Variants in PRKD3 observed in about 807,000 individuals in gnomAD.
The protein encoded by PRKD3 is protein kinase D3.
PRKD3 carries 47 observed loss-of-function variants against 99.2 expected under a neutral mutation model. The ratio of observed to expected loss-of-function variants is 0.47; its 90% CI spans 0.38 to 0.60. The LOEUF is 0.60. Ranked by LOEUF, PRKD3 falls within the 20% of genes least tolerant of loss-of-function variation. PRKD3 has a pLI of 0.00. For missense variants in PRKD3, 1,019 were observed against 1,088.4 expected, an observed-to-expected ratio of 0.94 and a Z score of 0.90; for synonymous variants, 392 against 355.4, an observed-to-expected ratio of 1.10 and a Z score of -1.16.
At chr2:37,288,292 A>G (rs1670219184) in intron 5 of PRKD3, among the ~76,000 whole-genome samples, 1 of 152,114 alleles carries the variant, frequency 6.6e-6, no homozygotes, top group African/African-American at 2.4e-5. Context: ...GCTCTTCTGT[A>G]GGTTTATACC....
chr2:37,265,359 TAA>T (rs1260752015), intron 14 of PRKD3, among the ~76,000 whole-genome samples: 2 of 152,228 alleles, frequency 1.3e-5, no homozygotes, highest in East Asian at 1.9e-4. Context: ...GTGTGATTTT[TAA>T]AAAGATTCCT....
At chr2:37,253,833 C>A (rs1171174634) in intron 18 of PRKD3, among the ~76,000 whole-genome samples, 1 of 152,120 alleles carries the variant, frequency 6.6e-6, no homozygotes, top group Non-Finnish European at 1.5e-5. Context: ...TTTGATAAAT[C>A]TATAAAGTAA....
At chr2:37,254,180 AAG>A (rs771650245) in intron 18 of PRKD3, 22 bp downstream of exon 18, 37 of 1,557,614 alleles carry the variant, frequency 2.4e-5, no homozygotes, top group Non-Finnish European at 3.1e-5. Context: ...AGGATTGCCA[AAG>A]AGAGATTACA....
intron 2 of PRKD3, among the ~76,000 whole-genome samples, chr2:37,294,988 T>C (rs1170439432): frequency 6.6e-6 from 1 of 152,194 alleles, no homozygotes; most frequent in Non-Finnish European, 1.5e-5. Context: ...GGCATAAGAA[T>C]CACTTGAATC....
chr2:37,290,824 T>A (rs1439649884), intron 4 of PRKD3, 44 bp downstream of exon 4: 7 of 1,522,976 alleles, frequency 4.6e-6, no homozygotes, highest in African/African-American at 4.2e-5. Flanking sequence ...AATGCAAATG[T>A]GGAATCTTAT....
intron 2 of PRKD3, among the ~76,000 whole-genome samples, chr2:37,311,279 G>A (rs1182079788): frequency 6.6e-6 from 1 of 152,174 alleles, no homozygotes; most frequent in Non-Finnish European, 1.5e-5. Flanking sequence ...CAAGGTGACA[G>A]CTCTCCTTCC....
intron 6 of PRKD3, 124 bp downstream of exon 6, chr2:37,286,053 C>T (rs1670079477): frequency 2.3e-6 from 2 of 877,570 alleles, no homozygotes; most frequent in South Asian, 4.4e-5. Flanking sequence ...ATTTCTCTTT[C>T]CTTTATATAA....
chr2:37,260,089 C>T lies in PRKD3; in HGVS notation c.2046+134G>A, dbSNP rs560788268. 24 of 755,598 alleles carry T rather than the reference C, an allele frequency of 3.2e-5. No individual in the cohort carries two copies. The South Asian group carries it at 4.7e-4, about 15-fold the overall frequency. 46.8% of individuals were successfully genotyped at this position (755,598 alleles called of 1,614,324 possible). On this transcript the variant is annotated intron_variant, in intron 15 of 18. Transcript: ENST00000234179. ...CTGAGGCATGAGAATCACTTGAATCCAGGAGGCAGAGGTTGCAGTGAGCCA... is the reference window on the plus strand; with the variant it reads ...CTGAGGCATGAGAATCACTTGAATCTAGGAGGCAGAGGTTGCAGTGAGCCA...
In PRKD3 at chr2:37,282,595, C is replaced by T; in HGVS notation, c.935G>A (p.Arg312His). Residue 312 changes from arginine to histidine, a missense_variant, in exon 7 of 19, where the codon CGC becomes CAC. Transcript: ENST00000234179. ...CKDCKFNCHK[R>H]CASKVPRDCL... Reference sequence around the variant, plus strand: ...GTCTCTTGGTACTTTTGATGCACAGCGTTTATGGCAGTTGAATTTGCAATC... The same window carrying T: ...GTCTCTTGGTACTTTTGATGCACAGTGTTTATGGCAGTTGAATTTGCAATC... 1.2e-6 allele frequency: 2 copies of T among 1,601,658 alleles called. No individual in the cohort carries two copies. Among genetic ancestry groups the T allele is most frequent in the South Asian group, 1.1e-5 (1 of 90,736 alleles).
rs1667660834 is a variant in PRKD3, at chr2:37,253,299, G to A, written c.2551C>T (p.Arg851Cys). ...TCATCACTTTCATGTGTAATGTAAC[G>A]TTCTCCAATGCGAGTTTCAAATTCT... ...LREFETRIGE[R>C]YITHESDDAR... The change falls in exon 19 of 19, where the codon CGT becomes TGT. Residue 851 changes from arginine (R) to cysteine (C), a missense_variant. By Grantham distance (180) the Arg-to-Cys change is radical. This residue lies in a region of PRKD3 where 125 missense variants were observed against 120.6 expected (regional missense o/e 1.04). Transcript: ENST00000234179. The A allele has an allele frequency of 5.6e-6, 9 of 1,612,738 alleles. No individual in the cohort carries two copies. The highest frequency in any genetic ancestry group is 2.2e-5 in the East Asian group (1 of 44,838).
chr2:37,274,792 G>T, intron 10 of PRKD3, 95 bp from the exon 11 acceptor site: 1 of 1,220,236 alleles, frequency 8.2e-7, no homozygotes, highest in Non-Finnish European at 1.1e-6. Flanking sequence ...TTCAATGAAT[G>T]CCATTAAGAC....
chr2:37,288,031 T>A (rs963486185), intron 5 of PRKD3, among the ~76,000 whole-genome samples: 1 of 152,182 alleles, frequency 6.6e-6, no homozygotes, highest in Non-Finnish European at 1.5e-5. Flanking sequence ...ACTGCACTTC[T>A]TATACTTCCC....
chr2:37,311,958 T>C (rs1393538114), intron 2 of PRKD3, among the ~76,000 whole-genome samples: 1 of 152,224 alleles, frequency 6.6e-6, no homozygotes, highest in Non-Finnish European at 1.5e-5. Context: ...CAAGTCCACA[T>C]TTAAAATGCA....
intron 14 of PRKD3, among the ~76,000 whole-genome samples, chr2:37,261,967 T>C (rs1668496655): frequency 6.6e-6 from 1 of 152,122 alleles, no homozygotes; most frequent in South Asian, 2.1e-4. Flanking sequence ...TAGTGTAAAA[T>C]GGTCTTTGTG....
At chr2:37,319,902 G>A (rs1025286233) in intron 1 of PRKD3, among the ~76,000 whole-genome samples, 4 of 152,042 alleles carry the variant, frequency 2.6e-5, no homozygotes, top group Admixed American at 2.6e-4. Flanking sequence ...CACTGCAGAG[G>A]GTAGACGAAA....
chr2:37,252,847 T>TATA lies in PRKD3; in HGVS notation c.*329_*330insTAT, dbSNP rs1667612720. 8 of 145,036 alleles carry TATA rather than the reference T, an allele frequency of 5.5e-5. No homozygotes were observed. Among genetic ancestry groups the TATA allele is most frequent in the South Asian group, 2.2e-4 (1 of 4,558 alleles). The allele number at this position is 145,036 out of a possible 1,614,324, so 9.0% of individuals were successfully genotyped here. Reference sequence around the variant, plus strand: ...AAAACAAACAAACATATATTTATATTTATATATATATATATAAAGAGAAAT... The same window carrying TATA: ...AAAACAAACAAACATATATTTATATTATATATATATATATATATAAAGAGAAAT... On this transcript the variant is annotated 3_prime_UTR_variant, in exon 19 of 19. Transcript: ENST00000234179.
At chr2:37,267,630 G>T in intron 13 of PRKD3, 94 bp from the exon 14 acceptor site, 1 of 942,476 alleles carries the variant, frequency 1.1e-6, no homozygotes, top group Non-Finnish European at 1.6e-6. Context: ...ATTTACTCTT[G>T]AATTTTCTTT....
chr2:37,282,076 C>T (rs569798090), intron 7 of PRKD3, among the ~76,000 whole-genome samples: 1 of 152,302 alleles, frequency 6.6e-6, no homozygotes, highest in Admixed American at 6.5e-5. Context: ...CACCTACTGG[C>T]TATATTTCTG....
At chr2:37,305,724 G>A (rs1363482397) in intron 2 of PRKD3, among the ~76,000 whole-genome samples, 3 of 152,206 alleles carry the variant, frequency 2.0e-5, no homozygotes. Flanking sequence ...GCAAACCAAT[G>A]TAAGCATGTT....
Sources: allele counts gnomAD v4.1 joint callset (sites outside exome capture counted in the v4.1 genomes callset), GRCh38; gene constraint gnomAD v4.1.1; regional missense constraint gnomAD v4.1.1; transcripts MANE v1.5; gene names NCBI Gene and HGNC (gene_info 2026-07-23, HGNC 2026-07-21).